CCDC170: variants seen among roughly 807,000 people sequenced by gnomAD.
The protein encoded by CCDC170 is coiled-coil domain-containing protein 170.
Under a neutral mutation model 72.6 loss-of-function variants are expected in CCDC170, and 69 were observed. The ratio of observed to expected loss-of-function variants is 0.95; its 90% CI spans 0.78 to 1.16. The LOEUF (loss-of-function observed/expected upper bound fraction) is 1.16, where lower values mean the gene tolerates loss of function less well. Among genes scored for constraint, CCDC170 ranks in the 50% most tolerant of loss-of-function variants. The probability of loss-of-function intolerance (pLI) is 0.00; values close to 1 mark genes in which losing one functional copy is unlikely to be tolerated. For synonymous variants in CCDC170, 300 were observed against 303.9 expected (o/e 0.99, Z 0.13); for missense variants, 852 against 832.5 (o/e 1.02, Z -0.29).
intron 9 of CCDC170, among the ~76,000 whole-genome samples, chr6:151,612,022 A>AG (rs1776880943): frequency 6.6e-6 from 1 of 152,144 alleles, no homozygotes; most frequent in Non-Finnish European, 1.5e-5. Flanking sequence ...ACTGGTTTCT[A>AG]GTTTATGAGT....
intron 1 of CCDC170, among the ~76,000 whole-genome samples, chr6:151,524,431 A>G (rs1467616747): frequency 6.6e-6 from 1 of 152,354 alleles, no homozygotes; most frequent in Non-Finnish European, 1.5e-5. Context: ...TCTGAAGCCA[A>G]TAAAGAATTC....
chr6:151,560,257 CTTG>C (rs1338430711), intron 5 of CCDC170, among the ~76,000 whole-genome samples: 4 of 151,714 alleles, frequency 2.6e-5, no homozygotes, highest in African/African-American at 7.3e-5. Flanking sequence ...TTTCCATGTG[CTTG>C]TGTGGTTTTG....
chr6:151,555,716 T>G (rs962341416), intron 5 of CCDC170, among the ~76,000 whole-genome samples: 4 of 152,260 alleles, frequency 2.6e-5, no homozygotes, highest in Admixed American at 1.3e-4. Flanking sequence ...GTTACTCACT[T>G]GTGAAATTTC....
rs374709972 is a variant in CCDC170 at position 151,519,393 on chromosome 6, C to T, written c.58-16925C>T. 9.2e-5 allele frequency among the ~76,000 whole-genome samples: 14 copies of T among 152,308 alleles called. No individual in the cohort carries two copies. The East Asian group carries it at 2.3e-3, about 25-fold the overall frequency. Reference sequence around the variant, plus strand: ...GGCAGTCAGACCCTATGGTTGTCTTCCCTTGGTCCCTGAAAATCGCTGTTA... The same window carrying T: ...GGCAGTCAGACCCTATGGTTGTCTTTCCTTGGTCCCTGAAAATCGCTGTTA... On this transcript the variant is annotated intron_variant, in intron 1 of 10. Coordinates refer to ENST00000239374, the MANE Select transcript of CCDC170 (RefSeq NM_025059.4).
At chr6:151,581,041 A>G (rs1226361722) in intron 6 of CCDC170, among the ~76,000 whole-genome samples, 8 of 152,156 alleles carry the variant, frequency 5.3e-5, no homozygotes, top group Non-Finnish European at 7.4e-5. Flanking sequence ...AGCAAGTCAT[A>G]ATCTTTTTGC....
At chr6:151,580,249 G>A (rs984798372) in intron 6 of CCDC170, among the ~76,000 whole-genome samples, 5 of 151,940 alleles carry the variant, frequency 3.3e-5, no homozygotes, top group South Asian at 2.1e-4. Context: ...CATTCTCTCC[G>A]CTATGTCATT....
intron 1 of CCDC170, among the ~76,000 whole-genome samples, chr6:151,502,431 C>T (rs1205412687): frequency 6.6e-6 from 1 of 152,066 alleles, no homozygotes; most frequent in Non-Finnish European, 1.5e-5. Flanking sequence ...ACTGAATTTC[C>T]CTTATGCTTT....
chr6:151,528,912 T>G (rs763244948), intron 1 of CCDC170, among the ~76,000 whole-genome samples: 2 of 151,996 alleles, frequency 1.3e-5, no homozygotes, highest in African/African-American at 2.4e-5. Context: ...AAGATAACCA[T>G]AGTTAACACT....
intron 1 of CCDC170, among the ~76,000 whole-genome samples, chr6:151,518,809 C>A (rs933954582): frequency 1.3e-5 from 2 of 152,110 alleles, no homozygotes; most frequent in Non-Finnish European, 2.9e-5. Flanking sequence ...AGCTGCAAAG[C>A]CAGCAGGTTT....
chr6:151,579,411 C>T (rs867789883), intron 6 of CCDC170, among the ~76,000 whole-genome samples: 4 of 152,154 alleles, frequency 2.6e-5, no homozygotes, highest in East Asian at 1.9e-4. Flanking sequence ...CCTAAATAAG[C>T]TTCTGAAGCT....
chr6:151,609,734 G>A (rs1776840422), intron 9 of CCDC170, among the ~76,000 whole-genome samples: 1 of 152,216 alleles, frequency 6.6e-6, no homozygotes, highest in Non-Finnish European at 1.5e-5. Context: ...CCACTCTCAG[G>A]AATCTGTTGC....
chr6:151,606,456 A>G (rs190118201), intron 9 of CCDC170, among the ~76,000 whole-genome samples: 3 of 152,282 alleles, frequency 2.0e-5, no homozygotes, highest in Admixed American at 1.3e-4. Flanking sequence ...ATTGATTTCT[A>G]ATTTTAGTCC....
chr6:151,584,409 C>T (rs1776423571), intron 6 of CCDC170, among the ~76,000 whole-genome samples: 1 of 152,016 alleles, frequency 6.6e-6, no homozygotes, highest in Non-Finnish European at 1.5e-5. Flanking sequence ...ATGACACATT[C>T]TCATGATGAA....
At chr6:151,605,663 T>C (rs1356195583) in intron 9 of CCDC170, among the ~76,000 whole-genome samples, 1 of 151,948 alleles carries the variant, frequency 6.6e-6, no homozygotes, top group African/African-American at 2.4e-5. Context: ...TCTGGGGAGG[T>C]TTTCTGCACT....
intron 1 of CCDC170, among the ~76,000 whole-genome samples, chr6:151,525,464 T>C (rs776678479): frequency 6.6e-6 from 1 of 152,162 alleles, no homozygotes; most frequent in Non-Finnish European, 1.5e-5. Context: ...TCAATTGACC[T>C]TATGACAATA....
chr6:151,618,109 G>T lies in CCDC170; in HGVS notation c.2110G>T (p.Glu704Ter). The T allele has an allele frequency of 6.2e-7, 1 of 1,614,186 alleles. No homozygotes were observed. The highest frequency in any genetic ancestry group is 8.5e-7 in the Non-Finnish European group (1 of 1,180,034). The change falls in exon 11 of 11, where the codon GAG becomes TAG. Residue 704 changes from glutamate (E) to a stop codon, truncating the protein, a stop_gained. Coordinates refer to ENST00000239374, the MANE Select transcript of CCDC170 (RefSeq NM_025059.4). LOFTEE classifies it low-confidence loss of function (END_TRUNC). ...CCTCAAAGATGTGACTACTGGGCAA[G>T]AGAGGCACCCACAAGGCCATTTACA... ...ACLKDVTTGQ[E>*]RHPQGHLQLL...
In CCDC170 at chr6:151,494,390, G is replaced by A. The variant is rs1248038454; in HGVS notation, c.57+205G>A. The stretch of plus-strand genomic sequence containing the variant: ...TGGGCAGGACCGGAGTTTGCGGAGC[G>A]CGTCTGAATTTTAGGTTGTGCCACT... On this transcript the variant is annotated intron_variant, in intron 1 of 10. Transcript: ENST00000239374. Among the ~76,000 whole-genome samples the A allele has an allele frequency of 5.3e-5, 8 of 152,174 alleles. No individual in the cohort carries two copies. In the East Asian group the frequency reaches 1.5e-3, roughly 29 times the overall value.
At chr6:151,608,981 AC>A (rs1776827847) in intron 9 of CCDC170, among the ~76,000 whole-genome samples, 1 of 152,136 alleles carries the variant, frequency 6.6e-6, no homozygotes, top group Admixed American at 6.5e-5. Context: ...TCTCCCACTT[AC>A]CTTTTTCCTT....
At chr6:151,573,970 C>A (rs76945073) in intron 6 of CCDC170, among the ~76,000 whole-genome samples, 3 of 152,156 alleles carry the variant, frequency 2.0e-5, no homozygotes, top group African/African-American at 7.2e-5. Flanking sequence ...AAGGCCAGGC[C>A]TGGTGGCCTA....
Sources: gnomAD v4.1 joint callset for allele counts (sites outside exome capture counted in the v4.1 genomes callset) on GRCh38, gnomAD v4.1.1 for gene constraint, MANE v1.5 for transcripts, NCBI Gene and HGNC (gene_info 2026-07-23, HGNC 2026-07-21) for gene names.